Variants in TMEM135 observed in about 807,000 individuals in gnomAD.
TMEM135 encodes the protein transmembrane protein 135, also known as peroxisomal membrane protein 52.
A neutral mutation model predicts 60.3 loss-of-function variants in TMEM135; 30 were observed. That is an observed-to-expected ratio of 0.50 (90% confidence interval 0.37 to 0.68). The LOEUF (loss-of-function observed/expected upper bound fraction) is 0.68, where lower values mean the gene tolerates loss of function less well. Ranked by LOEUF, TMEM135 falls within the 30% of genes least tolerant of loss-of-function variation. The pLI is 0.00. For synonymous variants in TMEM135, 190 were observed against 186.7 expected, an observed-to-expected ratio of 1.02 and a Z score of -0.14; for missense variants, 468 against 548.8, an observed-to-expected ratio of 0.85 and a Z score of 1.47.
chr11:87,130,622 A>G (rs1316074604), intron 4 of TMEM135, among the ~76,000 whole-genome samples: 5 of 152,082 alleles, frequency 3.3e-5, no homozygotes, highest in Non-Finnish European at 5.9e-5. Flanking sequence ...GAACTATAGT[A>G]TGGGATGAGT....
At chr11:87,076,262 C>T (rs1443077388) in intron 3 of TMEM135, among the ~76,000 whole-genome samples, 1 of 152,188 alleles carries the variant, frequency 6.6e-6, no homozygotes, top group Non-Finnish European at 1.5e-5. Context: ...AAGTCCTTCC[C>T]ACTCTTCCCT....
chr11:87,098,977 C>G (rs556241706), intron 4 of TMEM135, among the ~76,000 whole-genome samples: 5 of 152,106 alleles, frequency 3.3e-5, no homozygotes, highest in Admixed American at 2.0e-4. Context: ...TGTGAGCCAC[C>G]GTGCCCAGCC....
In TMEM135 at chr11:87,070,877, A is replaced by T. The variant is rs183894693; in HGVS notation, c.270-646A>T. Among the ~76,000 whole-genome samples, 107 of 152,370 alleles carry T rather than the reference A, an allele frequency of 7.0e-4. 1 individual carries two copies. Among genetic ancestry groups the T allele is most frequent in the East Asian group, 5.4e-3 (28 of 5,188 alleles). On this transcript the variant is annotated intron_variant, in intron 2 of 14. Transcript: ENST00000305494. ...GGAAAACATTTATTGAATGTCTACC[A>T]TGTGTTGAAAAAATAGTCATAATAA...
intron 6 of TMEM135, among the ~76,000 whole-genome samples, chr11:87,273,657 C>A (rs1044841487): frequency 6.6e-6 from 1 of 152,028 alleles, no homozygotes; most frequent in Non-Finnish European, 1.5e-5. Flanking sequence ...GGAAACCAGA[C>A]CCAAGGGAAA....
Position 87,326,703 on chromosome 11 carries a change from G to A in TMEM135, c.*5370G>A, listed in dbSNP as rs1479262017. On this transcript the variant is annotated 3_prime_UTR_variant, in exon 15 of 15. Transcript: ENST00000305494. ...TGAGCTCTCAAGGGAAAAAACAGGA[G>A]TCCTTATTTTTCTATTTATTTCAGG... 2.2e-6 allele frequency: 1 copy of A among 450,702 alleles called. No individual in the cohort carries two copies. The highest frequency in any genetic ancestry group is 4.4e-6 in the Non-Finnish European group (1 of 226,140). The allele number at this position is 450,702 out of a possible 1,614,324, so 27.9% of individuals were successfully genotyped here.
At chr11:87,148,788 A>G (rs1195397991) in intron 4 of TMEM135, among the ~76,000 whole-genome samples, 1 of 152,158 alleles carries the variant, frequency 6.6e-6, no homozygotes, top group Non-Finnish European at 1.5e-5. Context: ...TCTTAATAAA[A>G]ATTTCTGAGA....
At chr11:87,072,789 A>C (rs893678483) in intron 3 of TMEM135, among the ~76,000 whole-genome samples, 3 of 152,222 alleles carry the variant, frequency 2.0e-5, no homozygotes, top group Non-Finnish European at 4.4e-5. Flanking sequence ...AAACTTACAT[A>C]AACTGTTCAG....
At chr11:87,136,979 C>T (rs918855095) in intron 4 of TMEM135, among the ~76,000 whole-genome samples, 1 of 152,004 alleles carries the variant, frequency 6.6e-6, no homozygotes, top group Admixed American at 6.6e-5. Context: ...GCTCTATAAA[C>T]ATCAATTAGA....
At chr11:87,082,792 C>A (rs1210357474) in intron 3 of TMEM135, among the ~76,000 whole-genome samples, 2 of 152,120 alleles carry the variant, frequency 1.3e-5, no homozygotes, top group African/African-American at 4.8e-5. Flanking sequence ...GTAGAAGAAA[C>A]ATATTGTGAT....
At chr11:87,108,505 TTTG>T (rs1283208377) in intron 4 of TMEM135, among the ~76,000 whole-genome samples, 2 of 138,314 alleles carry the variant, frequency 1.4e-5, no homozygotes, top group African/African-American at 5.0e-5. Flanking sequence ...AACTCTCAGT[TTTG>T]TTGATTTTTT....
intron 6 of TMEM135, among the ~76,000 whole-genome samples, chr11:87,283,070 G>A (rs1170004547): frequency 6.6e-6 from 1 of 152,038 alleles, no homozygotes; most frequent in African/African-American, 2.4e-5. Flanking sequence ...AGATGCAGTG[G>A]CTGCCTGTAA....
At chr11:87,281,081 A>G (rs1278740132) in intron 6 of TMEM135, among the ~76,000 whole-genome samples, 1 of 152,246 alleles carries the variant, frequency 6.6e-6, no homozygotes, top group Non-Finnish European at 1.5e-5. Flanking sequence ...ATAGCACATT[A>G]TCAATATAAA....
chr11:87,069,514 G>T (rs1021557693), intron 2 of TMEM135, among the ~76,000 whole-genome samples: 10 of 152,042 alleles, frequency 6.6e-5, no homozygotes, highest in Admixed American at 6.6e-5. Context: ...TTCCTAATTG[G>T]GTAGATGAGA....
chr11:87,175,344 T>C (rs1001275816), intron 5 of TMEM135, among the ~76,000 whole-genome samples: 1 of 149,666 alleles, frequency 6.7e-6, no homozygotes, highest in African/African-American at 2.4e-5. Flanking sequence ...ATATGCATTA[T>C]TGCATACTCC....
At chr11:87,263,229 GAAACTAAGATAAATT>G (rs1036820118) in intron 6 of TMEM135, among the ~76,000 whole-genome samples, 4 of 152,134 alleles carry the variant, frequency 2.6e-5, no homozygotes, top group African/African-American at 9.7e-5. Context: ...AGAAAATAAG[GAAACTAAGATAAATT>G]TGTCCTATTT....
intron 5 of TMEM135, among the ~76,000 whole-genome samples, chr11:87,214,285 C>T (rs1004524244): frequency 6.6e-6 from 1 of 152,142 alleles, no homozygotes; most frequent in Non-Finnish European, 1.5e-5. Context: ...CTTACAGGAC[C>T]AGCAGGTGAT....
chr11:87,092,534 C>T (rs548621006), intron 4 of TMEM135, among the ~76,000 whole-genome samples: 2 of 152,224 alleles, frequency 1.3e-5, no homozygotes, highest in East Asian at 3.9e-4. Context: ...TTTTAAAATA[C>T]TCCAGAAAAT....
rs480660 is a variant in TMEM135 at position 87,167,519 on chromosome 11, C to T, written c.462+10113C>T. Among the ~76,000 whole-genome samples, 269 of 151,942 alleles carry T rather than the reference C, an allele frequency of 1.8e-3. 3 individuals carry two copies. The highest frequency in any genetic ancestry group is 6.2e-3 in the African/African-American group (258 of 41,454). On this transcript the variant is annotated intron_variant, in intron 5 of 14. Transcript: ENST00000305494. ...TTTCTTGAGTGCTTTTAGCATGAAG[C>T]GGTGTTGAGTTTTATCAAAGGCCTT...
intron 6 of TMEM135, among the ~76,000 whole-genome samples, chr11:87,247,334 C>T (rs1299451709): frequency 3.9e-5 from 6 of 152,310 alleles, no homozygotes; most frequent in South Asian, 2.1e-4. Context: ...GCAGTCTGCC[C>T]GTTCTCAGAT....
Sources: allele counts gnomAD v4.1 joint callset (sites outside exome capture counted in the v4.1 genomes callset), GRCh38; gene constraint gnomAD v4.1.1; transcripts MANE v1.5; gene names NCBI Gene and HGNC (gene_info 2026-07-23, HGNC 2026-07-21).